The following ENOX2 variants were observed in gnomAD, a reference collection of about 807,000 sequenced individuals.
ENOX2 encodes APK1 antigen.
In ENOX2, 36 loss-of-function variants were observed where a neutral mutation model predicts 45.0. The observed-to-expected ratio is 0.80, with a 90% CI of 0.61 to 1.06. The LOEUF (loss-of-function observed/expected upper bound fraction) is 1.06. Among genes scored for constraint, ENOX2 ranks in the 50% least tolerant of loss-of-function variants. ENOX2 has a pLI of 0.00. For missense variants in ENOX2, 423 were observed against 462.5 expected, an observed-to-expected ratio of 0.91 and a Z score of 0.78; for synonymous variants, 174 against 152.3, an observed-to-expected ratio of 1.14 and a Z score of -1.05.
intron 3 of ENOX2, among the ~76,000 whole-genome samples, chrX:130,721,913 C>T (rs1453540173): frequency 8.9e-6 from 1 of 112,033 alleles, no homozygotes; most frequent in Non-Finnish European, 1.9e-5. Context: ...AACTATCATG[C>T]TATAAGAAGT....
At chrX:130,883,576 T>C (rs962161408) in intron 2 of ENOX2, among the ~76,000 whole-genome samples, 1 of 112,115 alleles carries the variant, frequency 8.9e-6, no homozygotes, top group Admixed American at 9.5e-5. Context: ...ATAATAAGCA[T>C]ATTAAGTCCT....
chrX:130,723,206 G>C (rs759485001), intron 3 of ENOX2, among the ~76,000 whole-genome samples: 2 of 112,254 alleles, frequency 1.8e-5, no homozygotes, highest in African/African-American at 6.5e-5. Flanking sequence ...CATTTTACTC[G>C]AAGTGGCTAA....
chrX:130,685,347 G>A (rs1172672056), intron 5 of ENOX2, among the ~76,000 whole-genome samples: 1 of 111,752 alleles, frequency 8.9e-6, no homozygotes, highest in African/African-American at 3.3e-5. Context: ...GAGTGAAATG[G>A]GGAGCCATTC....
chrX:130,865,229 C>T (rs1435649948), intron 2 of ENOX2, among the ~76,000 whole-genome samples: 1 of 110,967 alleles, frequency 9.0e-6, no homozygotes, highest in Non-Finnish European at 1.9e-5. Flanking sequence ...ACCATACATC[C>T]GCAGCAAAAG....
chrX:130,632,671 TTTC>T (rs1271372056), intron 12 of ENOX2, among the ~76,000 whole-genome samples: 1 of 112,025 alleles, frequency 8.9e-6, no homozygotes, highest in Non-Finnish European at 1.9e-5. Context: ...TTCCTTCTGT[TTTC>T]TTCAAAGATG....
intron 2 of ENOX2, among the ~76,000 whole-genome samples, chrX:130,787,290 G>A (rs949645800): frequency 3.6e-5 from 4 of 111,907 alleles, no homozygotes; most frequent in African/African-American, 9.7e-5. Context: ...CGGAGGTTTG[G>A]AGCCACAATT....
chrX:130,798,524 C>T (rs1356314941), intron 2 of ENOX2, among the ~76,000 whole-genome samples: 1 of 111,610 alleles, frequency 9.0e-6, no homozygotes, highest in Non-Finnish European at 1.9e-5. Flanking sequence ...ATTTATGATA[C>T]TTTTATGAAA....
At chrX:130,803,426 G>C (rs763348566) in intron 2 of ENOX2, among the ~76,000 whole-genome samples, 31 of 111,585 alleles carry the variant, frequency 2.8e-4, no homozygotes, top group Non-Finnish European at 4.9e-4. Flanking sequence ...CCACAAAAGA[G>C]AGCCCTTAGT....
At position 130,665,594 on chromosome X, in the gene ENOX2, C is replaced by T. The variant is rs755919115; in HGVS notation, c.1014+49G>A. On this transcript the variant is annotated intron_variant, in intron 9 of 14. Coordinates refer to ENST00000394363, the MANE Select transcript of ENOX2 (RefSeq NM_006375.4). ...AAACTCCAGATCAATAACTTGTTAA[C>T]GAAAGAAACTGTCCCCCCAAGGGGC... 24 of 891,196 alleles carry T rather than the reference C, an allele frequency of 2.7e-5. No individual in the cohort carries two copies. In the East Asian group the frequency reaches 3.0e-4, roughly 11 times the overall value. The allele number at this position is 891,196 out of a possible 1,213,427, so 73.4% of individuals were successfully genotyped here.
At chrX:130,722,218 T>C (rs1467623632) in intron 3 of ENOX2, among the ~76,000 whole-genome samples, 3 of 112,102 alleles carry the variant, frequency 2.7e-5, no homozygotes, top group Non-Finnish European at 5.6e-5. Context: ...GTGTCTGCCA[T>C]TATCTGAATA....
intron 3 of ENOX2, among the ~76,000 whole-genome samples, chrX:130,713,253 GC>G (rs1171437607): frequency 4.6e-5 from 4 of 87,121 alleles, no homozygotes; most frequent in Admixed American, 1.4e-4. Context: ...CCTTTTTCTG[GC>G]AAGGAAGAAA....
At chrX:130,745,829 G>A (rs1046920231) in intron 3 of ENOX2, among the ~76,000 whole-genome samples, 11 of 111,893 alleles carry the variant, frequency 9.8e-5, no homozygotes, top group African/African-American at 2.9e-4. Context: ...ATAGATAGTC[G>A]TCTTTTTGAT....
intron 3 of ENOX2, among the ~76,000 whole-genome samples, chrX:130,773,633 G>T (rs2039791609): frequency 2.7e-5 from 3 of 111,786 alleles, no homozygotes; most frequent in Admixed American, 9.5e-5. Context: ...GCTGAAACCT[G>T]CCCCCTCTCC....
intron 2 of ENOX2, among the ~76,000 whole-genome samples, chrX:130,839,270 C>T (rs2077975402): frequency 9.0e-6 from 1 of 111,519 alleles, no homozygotes; most frequent in Non-Finnish European, 1.9e-5. Context: ...CCTATCTATG[C>T]CACTAACCTA....
At chrX:130,756,809 A>C (rs1309606817) in intron 3 of ENOX2, among the ~76,000 whole-genome samples, 1 of 112,249 alleles carries the variant, frequency 8.9e-6, no homozygotes, top group Non-Finnish European at 1.9e-5. Context: ...GAAGAATACT[A>C]ATTGGTAAAT....
At chrX:130,838,868 C>T in intron 2 of ENOX2, among the ~76,000 whole-genome samples, 1 of 111,583 alleles carries the variant, frequency 9.0e-6, no homozygotes, top group African/African-American at 3.3e-5. Flanking sequence ...TGATAAATTC[C>T]ATCAGAAATT....
intron 2 of ENOX2, among the ~76,000 whole-genome samples, chrX:130,831,272 G>C (rs1417298564): frequency 9.0e-6 from 1 of 111,459 alleles, no homozygotes; most frequent in Non-Finnish European, 1.9e-5. Context: ...TGTTAACATT[G>C]GCAATTAAAT....
intron 2 of ENOX2, among the ~76,000 whole-genome samples, chrX:130,892,169 C>T (rs181234350): frequency 4.4e-4 from 49 of 112,161 alleles, no homozygotes; most frequent in African/African-American, 1.1e-3. Context: ...TAAAGGAAAA[C>T]GACACTGGGA....
At chrX:130,824,983 T>A (rs2077690253) in intron 2 of ENOX2, among the ~76,000 whole-genome samples, 1 of 111,059 alleles carries the variant, frequency 9.0e-6, no homozygotes, top group Non-Finnish European at 1.9e-5. Context: ...TGAAGATGCA[T>A]ACCTTCCGCA....
Sources: allele counts gnomAD v4.1 joint callset (sites outside exome capture counted in the v4.1 genomes callset), GRCh38; gene constraint gnomAD v4.1.1; transcripts MANE v1.5; gene names NCBI Gene and HGNC (gene_info 2026-07-23, HGNC 2026-07-21).